NDRG2: variants seen among roughly 807,000 people sequenced by gnomAD.
NDRG2 encodes the protein protein NDRG2.
In NDRG2, 34 loss-of-function variants were observed where a neutral mutation model predicts 58.2. That is an observed-to-expected ratio of 0.58 (90% confidence interval 0.44 to 0.78). NDRG2 has a LOEUF of 0.78. Ranked by LOEUF, NDRG2 falls within the 30% of genes least tolerant of loss-of-function variation. NDRG2 has a pLI of 0.00. For synonymous variants in NDRG2, 187 were observed against 175.9 expected (o/e 1.06, Z -0.50); for missense variants, 434 against 471.2 (o/e 0.92, Z 0.73).
At chr14:21,023,574 C>T (rs1271951477) in intron 1 of NDRG2, 3 of 431,988 alleles carry the variant, frequency 6.9e-6, no homozygotes, top group Admixed American at 4.1e-5. Flanking sequence ...CCCTCAACAC[C>T]ACACCTCCAG....
chr14:21,056,523 G>A (rs1885682286), intron 1 of NDRG2, among the ~76,000 whole-genome samples: 1 of 152,132 alleles, frequency 6.6e-6, no homozygotes. Flanking sequence ...TGAAAAGGAG[G>A]AGAAACAAAC....
At chr14:21,020,298 A>G in intron 8 of NDRG2, 198 bp downstream of exon 8, 1 of 541,822 alleles carries the variant, frequency 1.8e-6, no homozygotes, top group Non-Finnish European at 3.3e-6. Context: ...CATCTCAAAA[A>G]AAAAAAAAAA....
At chr14:21,018,385 C>A in intron 13 of NDRG2, 72 bp downstream of exon 13, 2 of 1,609,004 alleles carry the variant, frequency 1.2e-6, no homozygotes, top group Non-Finnish European at 1.7e-6. Context: ...CATGCCGGGC[C>A]CTGGAGGCTT....
intron 1 of NDRG2, among the ~76,000 whole-genome samples, chr14:21,041,902 G>A (rs1235864944): frequency 2.0e-5 from 3 of 152,122 alleles, no homozygotes; most frequent in Non-Finnish European, 4.4e-5. Flanking sequence ...TCCTCCGAAA[G>A]ATAACCAGTA....
intron 7 of NDRG2, 70 bp downstream of exon 7, chr14:21,020,714 C>T (rs1424462327): frequency 1.9e-5 from 31 of 1,600,872 alleles, no homozygotes; most frequent in East Asian, 8.9e-5. Flanking sequence ...CCCCAAACAG[C>T]ACTAATAAAC....
chr14:21,061,717 A>C (rs1885973884), intron 1 of NDRG2, among the ~76,000 whole-genome samples: 1 of 152,244 alleles, frequency 6.6e-6, no homozygotes, highest in African/African-American at 2.4e-5. Context: ...AAATGTTTAA[A>C]AGAATCAACA....
rs1352781766 is a variant in NDRG2, at chr14:21,022,770, C to A, written c.117+94G>T. On this transcript the variant is annotated intron_variant, in intron 3 of 15. Transcript: ENST00000556147. ...AGGACTAGAATAGAAGGAAAGAAAG[C>A]AAAGAGAGAAGAGAGGGCCAAGCAG... The A allele has an allele frequency of 5.5e-6, 7 of 1,279,266 alleles. No individual in the cohort carries two copies. In the Admixed American group the frequency reaches 1.3e-4, roughly 23 times the overall value. The allele number at this position is 1,279,266 out of a possible 1,614,324, so 79.2% of individuals were successfully genotyped here.
intron 1 of NDRG2, among the ~76,000 whole-genome samples, chr14:21,065,431 C>T (rs191977783): frequency 6.6e-5 from 10 of 152,262 alleles, no homozygotes; most frequent in Admixed American, 1.3e-4. Flanking sequence ...GGGAACTGGT[C>T]AGACACTAGC....
chr14:21,070,324 G>A lies in NDRG2; in HGVS notation c.24+504C>T. 1 of 1,388,330 alleles carries A rather than the reference G, an allele frequency of 7.2e-7. No homozygotes were observed. The highest frequency in any genetic ancestry group is 9.3e-7 in the Non-Finnish European group (1 of 1,074,090). The allele number at this position is 1,388,330 out of a possible 1,614,324, so 86.0% of individuals were successfully genotyped here. On this transcript the variant is annotated intron_variant, in intron 1 of 14. Coordinates refer to the NDRG2 transcript ENST00000403829. The surrounding 1 kb of genome is among the most constrained non-coding windows in gnomAD (Gnocchi z 4.7). Reference sequence around the variant, plus strand: ...TAGCCAGACCCGGCGAGACACGAGCGGCGGGAGGGAGGCGGTGGCGCGCCC... The same window carrying A: ...TAGCCAGACCCGGCGAGACACGAGCAGCGGGAGGGAGGCGGTGGCGCGCCC...
chr14:21,021,819 T>C lies in NDRG2; in HGVS notation c.405A>G (p.Leu135=). 5 of 1,612,476 alleles carry C rather than the reference T, an allele frequency of 3.1e-6. No individual in the cohort carries two copies. Among genetic ancestry groups the C allele is most frequent in the Non-Finnish European group, 4.2e-6 (5 of 1,179,244 alleles). The change falls in exon 6 of 16, where the codon CTA becomes CTG. Residue 135 remains leucine (L), a splice_region_variant and synonymous_variant. Coordinates refer to ENST00000556147, the MANE Select transcript of NDRG2 (RefSeq NM_001320329.2). ...GGAGGGGTTCCCAGGCCTCTCACTTTAGGTACTGCAGGACGCAAGGGATCA... is the reference window on the plus strand; with the variant it reads ...GGAGGGGTTCCCAGGCCTCTCACTTCAGGTACTGCAGGACGCAAGGGATCA... ...ADMIPCVLQY[L]NFSTIIGVGV... is the part of the protein sequence containing the mutation.
At chr14:21,069,080 C>T (rs1332984942) in intron 1 of NDRG2, among the ~76,000 whole-genome samples, 1 of 152,266 alleles carries the variant, frequency 6.6e-6, no homozygotes, top group East Asian at 1.9e-4. Flanking sequence ...GCTTTCCGAT[C>T]TCCTCTCCTC....
At chr14:21,055,847 T>C (rs892692263) in intron 1 of NDRG2, among the ~76,000 whole-genome samples, 3 of 152,130 alleles carry the variant, frequency 2.0e-5, no homozygotes, top group African/African-American at 7.2e-5. Context: ...AATGACTTCC[T>C]GGGACAGGGT....
upstream of NDRG2, chr14:21,030,712 C>G (rs137962022): frequency 1.9e-3 from 3,061 of 1,614,042 alleles, 9 homozygotes; most frequent in Non-Finnish European, 2.4e-3. Context: ...GATGGCAAGA[C>G]AGTCACCTCC....
chr14:21,023,500 G>A (rs1339117770), intron 1 of NDRG2, 179 bp from the exon 2 acceptor site: 2 of 601,964 alleles, frequency 3.3e-6, no homozygotes, highest in South Asian at 2.0e-5. Context: ...CAGGCTGATC[G>A]GTGGAAGCTT....
chr14:21,019,767 A>C, intron 9 of NDRG2, 25 bp from the exon 10 acceptor site: 1 of 1,566,688 alleles, frequency 6.4e-7, no homozygotes, highest in Non-Finnish European at 8.8e-7. Flanking sequence ...AAGGAGAAAA[A>C]TTAGGGATGG....
chr14:21,033,168 G>T, intron 1 of NDRG2: 1 of 370,468 alleles, frequency 2.7e-6, no homozygotes, highest in Non-Finnish European at 5.3e-6. Context: ...GGGTGACTAC[G>T]GTTGTTGGGA....
At chr14:21,050,238 T>C (rs759683042) in intron 1 of NDRG2, among the ~76,000 whole-genome samples, 3 of 152,144 alleles carry the variant, frequency 2.0e-5, no homozygotes, top group Admixed American at 6.5e-5. Flanking sequence ...TATTGTATCA[T>C]TGAGATGGGA....
intron 1 of NDRG2, chr14:21,034,637 A>G: frequency 1.2e-5 from 3 of 242,728 alleles, no homozygotes; most frequent in Non-Finnish European, 2.4e-5. Flanking sequence ...TGCAGAGAAG[A>G]AAGAAGGAGC....
intron 1 of NDRG2, chr14:21,031,255 G>A: frequency 6.7e-7 from 1 of 1,497,146 alleles, no homozygotes; most frequent in Non-Finnish European, 9.0e-7. Context: ...CTGTGTGACT[G>A]TAGAGACAGG....
Sources: gnomAD v4.1 joint callset for allele counts (sites outside exome capture counted in the v4.1 genomes callset) on GRCh38, gnomAD v4.1.1 for gene constraint, Gnocchi (gnomAD v3.1) non-coding constraint, MANE v1.5 for transcripts, NCBI Gene and HGNC (gene_info 2026-07-23, HGNC 2026-07-21) for gene names.